RB1CC1: variants seen among roughly 807,000 people sequenced by gnomAD.
The protein encoded by RB1CC1 is RB1 inducible coiled-coil 1.
Under a neutral mutation model 177.5 loss-of-function variants are expected in RB1CC1, and 46 were observed. That is an observed-to-expected ratio of 0.26 (90% CI 0.20 to 0.33). The LOEUF (loss-of-function observed/expected upper bound fraction) is 0.33, where lower values mean the gene tolerates loss of function less well. Ranked by LOEUF, RB1CC1 falls within the 10% of genes least tolerant of loss-of-function variation. The probability of loss-of-function intolerance (pLI) is 1.00; values close to 1 mark genes in which losing one functional copy is unlikely to be tolerated. For synonymous variants in RB1CC1, 666 were observed against 613.6 expected (o/e 1.09, Z -1.26); for missense variants, 1,703 against 1,816.3 (o/e 0.94, Z 1.13).
intron 1 of RB1CC1, among the ~76,000 whole-genome samples, chr8:52,698,813 C>T (rs1467179491): frequency 6.7e-6 from 1 of 149,862 alleles, no homozygotes; most frequent in Non-Finnish European, 1.5e-5. Flanking sequence ...GCCTCAGCCT[C>T]GGAGTAGCTG....
intron 7 of RB1CC1, among the ~76,000 whole-genome samples, chr8:52,672,565 A>G (rs2150549103): frequency 6.6e-6 from 1 of 152,226 alleles, no homozygotes; most frequent in Middle Eastern, 3.4e-3. Flanking sequence ...CAACATAGGA[A>G]GAAGACCCCG....
chr8:52,635,780 CTTCA>C (rs1849096627), intron 19 of RB1CC1, among the ~76,000 whole-genome samples: 1 of 152,118 alleles, frequency 6.6e-6, no homozygotes, highest in Admixed American at 6.6e-5. Context: ...CTCATACAGA[CTTCA>C]TTCATTGGGA....
intron 5 of RB1CC1, among the ~76,000 whole-genome samples, 198 bp from the exon 6 acceptor site, chr8:52,676,769 G>T (rs1356785630): frequency 6.6e-6 from 1 of 152,152 alleles, no homozygotes; most frequent in Non-Finnish European, 1.5e-5. Context: ...TTCCGAGCAG[G>T]TATCCTAAGA....
At chr8:52,690,955 G>A (rs1307580220) in intron 1 of RB1CC1, among the ~76,000 whole-genome samples, 1 of 152,084 alleles carries the variant, frequency 6.6e-6, no homozygotes, top group African/African-American at 2.4e-5. Flanking sequence ...TTACCTAACA[G>A]CAAGAATTTT....
intron 22 of RB1CC1, among the ~76,000 whole-genome samples, chr8:52,625,245 T>C (rs1418185923): frequency 2.6e-5 from 4 of 152,142 alleles, no homozygotes; most frequent in Non-Finnish European, 4.4e-5. Context: ...AGGCAGCAAG[T>C]GAACAGTTCT....
At chr8:52,671,516 C>T (rs1016484498) in intron 7 of RB1CC1, among the ~76,000 whole-genome samples, 4 of 152,094 alleles carry the variant, frequency 2.6e-5, no homozygotes, top group African/African-American at 2.4e-5. Flanking sequence ...TTCAGAAATG[C>T]CCCTAGTCTT....
At chr8:52,657,953 C>G in intron 14 of RB1CC1, 45 bp from the exon 15 acceptor site, 1 of 1,612,988 alleles carries the variant, frequency 6.2e-7, no homozygotes, top group Non-Finnish European at 8.5e-7. Flanking sequence ...GGAACACAAA[C>G]ATTTTACACT....
chr8:52,660,539 G>C, intron 12 of RB1CC1, 57 bp downstream of exon 12: 1 of 1,421,360 alleles, frequency 7.0e-7, no homozygotes, highest in Non-Finnish European at 9.6e-7. Flanking sequence ...CTCTACTTCT[G>C]GAAAAAAGGT....
In RB1CC1 at chr8:52,685,379, A is replaced by G. The variant is rs200815421; in HGVS notation, c.71+20T>C. On this transcript the variant is annotated intron_variant, in intron 3 of 23. Transcript: ENST00000025008. ...CATGCAGACAGAATGCGAAAAAAAA[A>G]TAAATGAAATACAACTCACGTTTGC... The G allele has an allele frequency of 2.3e-5, 36 of 1,545,008 alleles. No individual in the cohort carries two copies. In the South Asian group the frequency reaches 3.8e-4, roughly 16 times the overall value.
At chr8:52,668,281 A>T in intron 7 of RB1CC1, 90 bp from the exon 8 acceptor site, 2 of 1,420,212 alleles carry the variant, frequency 1.4e-6, no homozygotes, top group African/African-American at 2.9e-5. Flanking sequence ...CTTGAGAGAA[A>T]ATAAGTGATA....
At chr8:52,626,263 G>A (rs1244795357) in intron 22 of RB1CC1, among the ~76,000 whole-genome samples, 4 of 152,202 alleles carry the variant, frequency 2.6e-5, no homozygotes, top group Non-Finnish European at 5.9e-5. Flanking sequence ...TAATGGTTAA[G>A]TAAGACTGCT....
chr8:52,672,039 T>C (rs1043236065), intron 7 of RB1CC1, among the ~76,000 whole-genome samples: 1 of 152,246 alleles, frequency 6.6e-6, no homozygotes, highest in Non-Finnish European at 1.5e-5. Flanking sequence ...GTTGTTGCTA[T>C]GCCCTATTCA....
At chr8:52,659,685 C>A (rs1851434393) in intron 12 of RB1CC1, among the ~76,000 whole-genome samples, 1 of 152,150 alleles carries the variant, frequency 6.6e-6, no homozygotes, top group African/African-American at 2.4e-5. Flanking sequence ...AGAAATCCTG[C>A]AGTATAGAAA....
rs370487062 is a variant in RB1CC1 at position 52,701,828 on chromosome 8, A to C, written c.-167+12247T>G. On this transcript the variant is annotated intron_variant, in intron 1 of 23. Transcript: ENST00000025008. Reference sequence around the variant, plus strand: ...AAATCACTTTTTTTTTTCTTTTGAGATGGAGTCTCACTCTGTCACCCAGGC... The same window carrying C: ...AAATCACTTTTTTTTTTCTTTTGAGCTGGAGTCTCACTCTGTCACCCAGGC... Among the ~76,000 whole-genome samples, 6 of 149,752 alleles carry C rather than the reference A, an allele frequency of 4.0e-5. No individual in the cohort carries two copies. In the East Asian group the frequency reaches 5.9e-4, roughly 15 times the overall value.
intron 1 of RB1CC1, among the ~76,000 whole-genome samples, chr8:52,699,821 AAAAAAAAAAATAT>A (rs1187526883): frequency 3.0e-5 from 3 of 99,696 alleles, no homozygotes; most frequent in African/African-American, 9.7e-5. Context: ...AAAAAAAAAA[AAAAAAAAAAATAT>A]ATATATATAT....
intron 1 of RB1CC1, among the ~76,000 whole-genome samples, chr8:52,691,847 T>G (rs1250667975): frequency 6.6e-6 from 1 of 152,178 alleles, no homozygotes; most frequent in Non-Finnish European, 1.5e-5. Flanking sequence ...GTGACGCTCA[T>G]TGCTTTCACG....
intron 22 of RB1CC1, among the ~76,000 whole-genome samples, chr8:52,625,334 A>G (rs1238418685): frequency 1.3e-5 from 2 of 152,150 alleles, no homozygotes; most frequent in Non-Finnish European, 2.9e-5. Context: ...GCTAAGAACC[A>G]AAAAATTCTA....
At chr8:52,671,636 T>C (rs1852613361) in intron 7 of RB1CC1, among the ~76,000 whole-genome samples, 1 of 152,246 alleles carries the variant, frequency 6.6e-6, no homozygotes, top group Non-Finnish European at 1.5e-5. Flanking sequence ...GATCATATAC[T>C]TTGTAAAATA....
chr8:52,705,780 G>A (rs931793252), intron 1 of RB1CC1, among the ~76,000 whole-genome samples: 1 of 152,114 alleles, frequency 6.6e-6, no homozygotes, highest in African/African-American at 2.4e-5. Context: ...AGGCTACAGT[G>A]AGCTATGATG....
Sources: allele counts gnomAD v4.1 joint callset (sites outside exome capture counted in the v4.1 genomes callset), GRCh38; gene constraint gnomAD v4.1.1; transcripts MANE v1.5; gene names NCBI Gene and HGNC (gene_info 2026-07-23, HGNC 2026-07-21).